The following TGFA variants were observed in gnomAD, a reference collection of about 807,000 sequenced individuals.
TGFA encodes the protein protransforming growth factor alpha.
TGFA carries 12 observed loss-of-function variants against 21.7 expected under a neutral mutation model. The ratio of observed to expected loss-of-function variants is 0.55; its 90% CI spans 0.35 to 0.90. The LOEUF (loss-of-function observed/expected upper bound fraction) is 0.90. TGFA is among the 40% of genes least tolerant of loss of function. The pLI is 0.01. For synonymous variants in TGFA, 79 were observed against 88.1 expected (o/e 0.90, Z 0.58); for missense variants, 178 against 210.8 (o/e 0.84, Z 0.96).
At chr2:70,539,356 C>T (rs1574146166) in intron 1 of TGFA, among the ~76,000 whole-genome samples, 1 of 151,880 alleles carries the variant, frequency 6.6e-6, no homozygotes, top group African/African-American at 2.4e-5. Context: ...CATACCTATC[C>T]CTCTAGTCTG....
At chr2:70,544,557 C>T (rs1673233529) in intron 1 of TGFA, among the ~76,000 whole-genome samples, 1 of 152,150 alleles carries the variant, frequency 6.6e-6, no homozygotes, top group African/African-American at 2.4e-5. Flanking sequence ...GAACACAGGT[C>T]CACGAGAACT....
chr2:70,453,367 G>C, intron 4 of TGFA, 40 bp from the exon 5 acceptor site: 4 of 1,586,680 alleles, frequency 2.5e-6, no homozygotes, highest in Non-Finnish European at 2.6e-6. Flanking sequence ...CAGGAGCCTG[G>C]TAGGAGGGCC....
Position 70,514,840 on chromosome 2 carries a change from C to T in TGFA, c.94+19G>A. ...CCCTTCCCACACACGATCCACACAC[C>T]CACGGCAGCTGCACTCACCACTCAG... is the stretch of plus-strand genomic sequence containing the variant. On this transcript the variant is annotated intron_variant, in intron 2 of 5. Coordinates refer to ENST00000295400, the MANE Select transcript of TGFA (RefSeq NM_003236.4). 6.2e-7 allele frequency: 1 copy of T among 1,613,598 alleles called. No individual in the cohort carries two copies. Among genetic ancestry groups the T allele is most frequent in the Non-Finnish European group, 8.5e-7 (1 of 1,179,894 alleles).
At chr2:70,485,239 T>TCCC (rs540006813) in intron 2 of TGFA, among the ~76,000 whole-genome samples, 1 of 151,350 alleles carries the variant, frequency 6.6e-6, no homozygotes, top group Non-Finnish European at 1.5e-5. Context: ...TTCACAGTCA[T>TCCC]CCCCCCCCTT....
chr2:70,456,309 G>A, intron 4 of TGFA, 30 bp downstream of exon 4: 2 of 1,532,456 alleles, frequency 1.3e-6, no homozygotes, highest in African/African-American at 1.4e-5. Flanking sequence ...GTGGGCAGGG[G>A]ACCTGGCCTT....
At chr2:70,459,924 G>A (rs1670361075) in intron 3 of TGFA, among the ~76,000 whole-genome samples, 1 of 152,120 alleles carries the variant, frequency 6.6e-6, no homozygotes, top group Admixed American at 6.6e-5. Flanking sequence ...CTCATCATTG[G>A]GACTCCAGGT....
intron 1 of TGFA, among the ~76,000 whole-genome samples, chr2:70,548,290 A>C (rs1186803849): frequency 2.6e-5 from 4 of 152,162 alleles, no homozygotes; most frequent in Non-Finnish European, 5.9e-5. Flanking sequence ...AGAGGTGCCA[A>C]ACACAGAGGT....
chr2:70,541,094 A>G (rs1574147651), intron 1 of TGFA, among the ~76,000 whole-genome samples: 1 of 152,214 alleles, frequency 6.6e-6, no homozygotes, highest in African/African-American at 2.4e-5. Flanking sequence ...TGACCTAGTG[A>G]TCAATTTCTC....
chr2:70,504,183 G>A (rs968268250), intron 2 of TGFA, among the ~76,000 whole-genome samples: 1 of 151,828 alleles, frequency 6.6e-6, no homozygotes, highest in Admixed American at 6.6e-5. Flanking sequence ...AGGCCGAGGT[G>A]GGTGGATCAC....
At chr2:70,528,043 C>A (rs1672692988) in intron 1 of TGFA, among the ~76,000 whole-genome samples, 1 of 152,178 alleles carries the variant, frequency 6.6e-6, no homozygotes. Flanking sequence ...CAGCTGATTG[C>A]AAAGACAGAC....
intron 2 of TGFA, among the ~76,000 whole-genome samples, chr2:70,486,856 G>A (rs1304390874): frequency 2.0e-5 from 3 of 151,902 alleles, no homozygotes; most frequent in South Asian, 4.2e-4. Context: ...TCCACCTCCC[G>A]GGTTCACACT....
intron 3 of TGFA, among the ~76,000 whole-genome samples, chr2:70,457,696 C>A (rs1670279921): frequency 6.6e-6 from 1 of 152,040 alleles, no homozygotes; most frequent in African/African-American, 2.4e-5. Flanking sequence ...CACATGCCAC[C>A]ATGCCTGGCT....
At chr2:70,450,969 C>T (rs1553489541) in intron 5 of TGFA, 103 bp from the exon 6 acceptor site, 28 of 1,424,162 alleles carry the variant, frequency 2.0e-5, no homozygotes, top group South Asian at 2.4e-5. Flanking sequence ...GCCAATGTCA[C>T]CAAGTTCTCT....
At chr2:70,479,579 C>G (rs1186166196) in intron 2 of TGFA, among the ~76,000 whole-genome samples, 5 of 152,048 alleles carry the variant, frequency 3.3e-5, no homozygotes, top group African/African-American at 1.2e-4. Context: ...ATTGTGTCAG[C>G]CTTAGTTTTC....
chr2:70,532,134 T>C (rs1553503777), intron 1 of TGFA, among the ~76,000 whole-genome samples: 1 of 152,158 alleles, frequency 6.6e-6, no homozygotes, highest in African/African-American at 2.4e-5. Context: ...AAGTTCCAGA[T>C]TTTCAGAAAA....
At chr2:70,496,764 C>T (rs3849386) in intron 2 of TGFA, among the ~76,000 whole-genome samples, 41,088 of 152,084 alleles carry the variant, frequency 0.27, 6,112 homozygotes, top group East Asian at 0.39. Flanking sequence ...GTCTTGTATG[C>T]GTCATGCACT....
intron 2 of TGFA, among the ~76,000 whole-genome samples, chr2:70,504,463 T>TATACACAC (rs1224115401): frequency 2.0e-5 from 1 of 48,980 alleles, no homozygotes; most frequent in Non-Finnish European, 3.8e-5. Context: ...TATATATATA[T>TATACACAC]ACACACATAC....
At chr2:70,484,029 G>C (rs536138241) in intron 2 of TGFA, among the ~76,000 whole-genome samples, 1 of 152,166 alleles carries the variant, frequency 6.6e-6, no homozygotes, top group Non-Finnish European at 1.5e-5. Context: ...TTCCCTTGTA[G>C]AATCATGCTT....
intron 2 of TGFA, among the ~76,000 whole-genome samples, chr2:70,476,678 T>C (rs1553494448): frequency 6.6e-6 from 1 of 152,222 alleles, no homozygotes; most frequent in Non-Finnish European, 1.5e-5. Flanking sequence ...TCAGAACTTT[T>C]GACAGGTGCC....
Sources: gnomAD v4.1 joint callset for allele counts (sites outside exome capture counted in the v4.1 genomes callset) on GRCh38, gnomAD v4.1.1 for gene constraint, MANE v1.5 for transcripts, NCBI Gene and HGNC (gene_info 2026-07-23, HGNC 2026-07-21) for gene names.